HS6ST3: variants seen among roughly 807,000 people sequenced by gnomAD.
The protein encoded by HS6ST3 is heparan sulfate 6-O-sulfotransferase 3.
In HS6ST3, 12 loss-of-function variants were observed where a neutral mutation model predicts 36.7. The ratio of observed to expected loss-of-function variants is 0.33; its 90% CI spans 0.21 to 0.53. HS6ST3 has a LOEUF of 0.53. HS6ST3 is among the 20% of genes least tolerant of loss of function. The pLI, the probability that HS6ST3 is intolerant of heterozygous loss-of-function variation, is 0.95. For synonymous variants in HS6ST3, 240 were observed against 257.5 expected, an observed-to-expected ratio of 0.93 and a Z score of 0.65; for missense variants, 584 against 640.9, an observed-to-expected ratio of 0.91 and a Z score of 0.96.
intron 1 of HS6ST3, among the ~76,000 whole-genome samples, chr13:96,725,701 AATCT>A (rs954602245): frequency 1.1e-4 from 17 of 151,676 alleles, no homozygotes; most frequent in South Asian, 2.1e-4. Context: ...TGATTGTGTG[AATCT>A]ATCTATCTAT....
At chr13:96,257,034 A>G (rs2054640684) in intron 1 of HS6ST3, among the ~76,000 whole-genome samples, 1 of 152,104 alleles carries the variant, frequency 6.6e-6, no homozygotes, top group Non-Finnish European at 1.5e-5. Flanking sequence ...GTTTCTGTTG[A>G]ATTAATATCA....
At chr13:96,565,530 G>A (rs2056278017) in intron 1 of HS6ST3, among the ~76,000 whole-genome samples, 2 of 152,082 alleles carry the variant, frequency 1.3e-5, no homozygotes, top group South Asian at 4.1e-4. Context: ...TCAAGTTAAA[G>A]GATACTAAAT....
intron 1 of HS6ST3, among the ~76,000 whole-genome samples, chr13:96,364,175 G>A (rs909958411): frequency 6.6e-6 from 1 of 152,126 alleles, no homozygotes; most frequent in Non-Finnish European, 1.5e-5. Context: ...CATGTACACT[G>A]CTGGTTGGAA....
At chr13:96,545,795 C>G (rs1165206280) in intron 1 of HS6ST3, among the ~76,000 whole-genome samples, 1 of 152,126 alleles carries the variant, frequency 6.6e-6, no homozygotes, top group Non-Finnish European at 1.5e-5. Flanking sequence ...CCGATAGCTA[C>G]TTCGAGAGCC....
intron 1 of HS6ST3, among the ~76,000 whole-genome samples, chr13:96,409,510 T>C (rs1361205340): frequency 1.3e-5 from 2 of 152,190 alleles, no homozygotes; most frequent in Non-Finnish European, 2.9e-5. Flanking sequence ...GAAGCCTATG[T>C]TGGAAGTAAA....
At chr13:96,739,552 G>A (rs1414409255) in intron 1 of HS6ST3, among the ~76,000 whole-genome samples, 1 of 152,010 alleles carries the variant, frequency 6.6e-6, no homozygotes, top group Non-Finnish European at 1.5e-5. Flanking sequence ...AATCGTTAGA[G>A]TCACTCTTGA....
chr13:96,719,976 T>C (rs559297106), intron 1 of HS6ST3, among the ~76,000 whole-genome samples: 3 of 152,264 alleles, frequency 2.0e-5, no homozygotes, highest in Non-Finnish European at 4.4e-5. Context: ...TGCTGTCTCA[T>C]TCTCACAGAC....
intron 1 of HS6ST3, among the ~76,000 whole-genome samples, chr13:96,185,603 C>T (rs939386018): frequency 2.6e-5 from 4 of 152,160 alleles, no homozygotes; most frequent in Admixed American, 2.0e-4. Flanking sequence ...TTGATCAAGA[C>T]GAGTTTATAC....
chr13:96,218,130 A>T (rs1356187790), intron 1 of HS6ST3, among the ~76,000 whole-genome samples: 1 of 152,220 alleles, frequency 6.6e-6, no homozygotes, highest in Non-Finnish European at 1.5e-5. Flanking sequence ...AGACCCAGGG[A>T]TGATTCTGGG....
Position 96,590,867 on chromosome 13 carries a change from A to G in HS6ST3, c.708-241623A>G, listed in dbSNP as rs1349692151. Reference sequence around the variant, plus strand: ...GAATCCATTTTGATTTTATTTTTGTATATGGCAAGAGAAAGGGGCCTAGTT... The same window carrying G: ...GAATCCATTTTGATTTTATTTTTGTGTATGGCAAGAGAAAGGGGCCTAGTT... On this transcript the variant is annotated intron_variant, in intron 1 of 1. Coordinates refer to ENST00000376705, the MANE Select transcript of HS6ST3 (RefSeq NM_153456.4). 2.0e-5 allele frequency among the ~76,000 whole-genome samples: 3 copies of G among 152,072 alleles called. No homozygotes were observed. In the East Asian group the frequency reaches 5.8e-4, roughly 29 times the overall value.
intron 1 of HS6ST3, among the ~76,000 whole-genome samples, chr13:96,091,870 G>C (rs899170921): frequency 7.2e-5 from 11 of 152,122 alleles, no homozygotes; most frequent in African/African-American, 9.7e-5. Flanking sequence ...CCTCCCAGTG[G>C]ACGCTGGAAA....
intron 1 of HS6ST3, among the ~76,000 whole-genome samples, chr13:96,749,096 G>T (rs1876633079): frequency 6.6e-6 from 1 of 152,064 alleles, no homozygotes; most frequent in African/African-American, 2.4e-5. Context: ...ACAGTTATTT[G>T]AGGAGTTATT....
At chr13:96,820,183 T>G (rs1878502157) in intron 1 of HS6ST3, among the ~76,000 whole-genome samples, 1 of 152,210 alleles carries the variant, frequency 6.6e-6, no homozygotes, top group Non-Finnish European at 1.5e-5. Context: ...GATATAATCT[T>G]GTTATATCAG....
chr13:96,657,319 A>G (rs773146343), intron 1 of HS6ST3, among the ~76,000 whole-genome samples: 32 of 152,066 alleles, frequency 2.1e-4, no homozygotes, highest in Non-Finnish European at 4.3e-4. Context: ...TCAGCACTTT[A>G]GGAGACTGCA....
chr13:96,615,664 G>A (rs888126859), intron 1 of HS6ST3, among the ~76,000 whole-genome samples: 5 of 152,172 alleles, frequency 3.3e-5, no homozygotes, highest in African/African-American at 4.8e-5. Context: ...AGTAAATGAA[G>A]CAGAATAAAC....
chr13:96,689,616 T>TTTTTG (rs1874885983), intron 1 of HS6ST3, among the ~76,000 whole-genome samples: 1 of 147,384 alleles, frequency 6.8e-6, no homozygotes, highest in Non-Finnish European at 1.5e-5. Flanking sequence ...CTTTTTTTTT[T>TTTTTG]TTTTTTGGTG....
At chr13:96,470,392 C>A (rs2138889933) in intron 1 of HS6ST3, among the ~76,000 whole-genome samples, 1 of 152,256 alleles carries the variant, frequency 6.6e-6, no homozygotes, top group East Asian at 1.9e-4. Context: ...TTTAAATTTG[C>A]ATATTCTGAA....
chr13:96,813,648 C>G (rs757651040), intron 1 of HS6ST3, among the ~76,000 whole-genome samples: 2 of 152,200 alleles, frequency 1.3e-5, no homozygotes, highest in Non-Finnish European at 2.9e-5. Context: ...CTTATCTTCA[C>G]TCTGTAAGGC....
At chr13:96,290,588 T>A (rs767580486) in intron 1 of HS6ST3, among the ~76,000 whole-genome samples, 57 of 152,088 alleles carry the variant, frequency 3.7e-4, no homozygotes, top group Admixed American at 9.2e-4. Context: ...AAAGCTACCA[T>A]GATCTCTTGC....
Sources: allele counts gnomAD v4.1 joint callset (sites outside exome capture counted in the v4.1 genomes callset), GRCh38; gene constraint gnomAD v4.1.1; transcripts MANE v1.5; gene names NCBI Gene and HGNC (gene_info 2026-07-23, HGNC 2026-07-21).